The following ARHGAP32 variants were observed in gnomAD, a reference collection of about 807,000 sequenced individuals.
The protein encoded by ARHGAP32 is rho GTPase-activating protein 32.
In ARHGAP32, 51 loss-of-function variants were observed where a neutral mutation model predicts 186.5. The ratio of observed to expected loss-of-function variants is 0.27; its 90% CI spans 0.22 to 0.35. The LOEUF is 0.35. Ranked by LOEUF, ARHGAP32 falls within the 10% of genes least tolerant of loss-of-function variation. ARHGAP32 has a pLI of 1.00. For synonymous variants in ARHGAP32, 950 were observed against 964.3 expected, an observed-to-expected ratio of 0.99 and a Z score of 0.27; for missense variants, 2,186 against 2,623.5, an observed-to-expected ratio of 0.83 and a Z score of 3.64.
At chr11:129,140,533 C>T (rs938276650) in intron 2 of ARHGAP32, among the ~76,000 whole-genome samples, 7 of 152,178 alleles carry the variant, frequency 4.6e-5, no homozygotes, top group African/African-American at 1.7e-4. Flanking sequence ...CTTTATCTCT[C>T]ATGGAAGTAA....
chr11:129,236,548 G>A (rs1409508638), intron 1 of ARHGAP32, among the ~76,000 whole-genome samples: 2 of 152,178 alleles, frequency 1.3e-5, no homozygotes, highest in Non-Finnish European at 2.9e-5. Context: ...TTCTTTTGCT[G>A]TGCAAAACCT....
intron 11 of ARHGAP32, among the ~76,000 whole-genome samples, chr11:129,024,354 T>C (rs1474698146): frequency 6.6e-6 from 1 of 152,232 alleles, no homozygotes; most frequent in Non-Finnish European, 1.5e-5. Flanking sequence ...TAAAAGTTAA[T>C]TGCTTTTCAG....
chr11:129,226,088 G>A (rs898052665), intron 1 of ARHGAP32, among the ~76,000 whole-genome samples: 2 of 152,060 alleles, frequency 1.3e-5, no homozygotes, highest in Non-Finnish European at 2.9e-5. Flanking sequence ...GGTCAATTGA[G>A]ATTATCTAAT....
intron 19 of ARHGAP32, 49 bp downstream of exon 19, chr11:128,978,721 C>T (rs370318990): frequency 1.6e-5 from 25 of 1,556,604 alleles, no homozygotes; most frequent in East Asian, 2.3e-5. Context: ...CCAGAACAAC[C>T]GAAGACCATC....
chr11:128,972,786 G>A lies in ARHGAP32; in HGVS notation c.3720C>T (p.His1240=). The change falls in exon 22 of 23, where the codon CAC becomes CAT. Residue 1240 remains histidine, a synonymous_variant. Transcript: ENST00000682385. ...YLGASVDKLH[H]PLEFADKSPT... ...GAGATTTGTCTGCAAATTCTAAAGG[G>A]TGATGGAGTTTATCCACACTTGCAC... 1 of 1,613,960 alleles carries A rather than the reference G, an allele frequency of 6.2e-7. No homozygotes were observed.
At chr11:129,089,500 A>G (rs1407852309) in intron 6 of ARHGAP32, among the ~76,000 whole-genome samples, 1 of 152,194 alleles carries the variant, frequency 6.6e-6, no homozygotes, top group Non-Finnish European at 1.5e-5. Context: ...TGATCAAAGT[A>G]CAGGAAAGAA....
upstream of ARHGAP32, chr11:129,279,381 G>A (rs1945582042): frequency 6.9e-6 from 1 of 145,362 alleles, no homozygotes; most frequent in South Asian, 2.1e-4. Context: ...GGGGGCGGGG[G>A]CGCCGGGCCG....
chr11:129,193,748 TAC>T (rs1445569662), upstream of ARHGAP32, among the ~76,000 whole-genome samples: 2 of 106,022 alleles, frequency 1.9e-5, no homozygotes, highest in South Asian at 2.5e-4. Context: ...TATTATATAA[TAC>T]ATATAATACA....
chr11:129,159,089 C>G (rs927690696), intron 2 of ARHGAP32, among the ~76,000 whole-genome samples: 1 of 152,014 alleles, frequency 6.6e-6, no homozygotes, highest in Admixed American at 6.6e-5. Context: ...CATTAATGAC[C>G]ACAGGAGAAA....
At chr11:129,241,086 C>T (rs1221651353) in intron 1 of ARHGAP32, among the ~76,000 whole-genome samples, 24 of 152,110 alleles carry the variant, frequency 1.6e-4, no homozygotes, top group Admixed American at 1.3e-3. Flanking sequence ...TTTTTTCACT[C>T]ATAAAATGGG....
At chr11:129,134,225 G>A (rs1366559387) in intron 2 of ARHGAP32, among the ~76,000 whole-genome samples, 1 of 151,564 alleles carries the variant, frequency 6.6e-6, no homozygotes, top group Non-Finnish European at 1.5e-5. Context: ...AAAAAAGAGA[G>A]CGAGAACATC....
At chr11:129,154,915 G>A (rs1309054643) in intron 2 of ARHGAP32, among the ~76,000 whole-genome samples, 1 of 152,060 alleles carries the variant, frequency 6.6e-6, no homozygotes, top group Non-Finnish European at 1.5e-5. Context: ...GATAAAGAAG[G>A]AGTTGAAAAT....
chr11:129,238,647 G>A (rs1001853966), intron 1 of ARHGAP32, among the ~76,000 whole-genome samples: 1 of 152,072 alleles, frequency 6.6e-6, no homozygotes, highest in African/African-American at 2.4e-5. Flanking sequence ...CAAGGCTCAG[G>A]TGGGAGGACT....
intron 1 of ARHGAP32, among the ~76,000 whole-genome samples, chr11:129,272,029 A>G (rs1295045997): frequency 1.3e-5 from 2 of 152,356 alleles, no homozygotes; most frequent in African/African-American, 4.8e-5. Context: ...AGAGTAATTC[A>G]TATGATGAGC....
chr11:128,999,457 C>T (rs565888556), intron 11 of ARHGAP32, among the ~76,000 whole-genome samples: 2 of 152,164 alleles, frequency 1.3e-5, no homozygotes, highest in Admixed American at 6.5e-5. Flanking sequence ...TGTGATCTCG[C>T]TCTGCCCCCA....
chr11:129,271,364 A>G (rs1347830257), intron 1 of ARHGAP32, among the ~76,000 whole-genome samples: 1 of 152,092 alleles, frequency 6.6e-6, no homozygotes, highest in East Asian at 1.9e-4. Flanking sequence ...ATGAGGAGGA[A>G]AAAAAGAAAT....
intron 1 of ARHGAP32, among the ~76,000 whole-genome samples, chr11:129,210,537 T>C (rs900621731): frequency 4.6e-5 from 7 of 152,174 alleles, no homozygotes; most frequent in African/African-American, 1.7e-4. Flanking sequence ...CTCTGAGAAA[T>C]TTTCAAATTA....
chr11:129,005,988 T>G (rs1194555208), intron 11 of ARHGAP32, among the ~76,000 whole-genome samples: 1 of 152,120 alleles, frequency 6.6e-6, no homozygotes, highest in Non-Finnish European at 1.5e-5. Context: ...TAATCTTTCT[T>G]CTGCTTGATC....
At chr11:129,174,162 G>T (rs1943842063) in intron 1 of ARHGAP32, among the ~76,000 whole-genome samples, 1 of 152,208 alleles carries the variant, frequency 6.6e-6, no homozygotes, top group South Asian at 2.1e-4. Flanking sequence ...CCCTTTCCTA[G>T]TCAAAGAAAG....
Sources: gnomAD v4.1 joint callset for allele counts (sites outside exome capture counted in the v4.1 genomes callset) on GRCh38, gnomAD v4.1.1 for gene constraint, MANE v1.5 for transcripts, NCBI Gene and HGNC (gene_info 2026-07-23, HGNC 2026-07-21) for gene names.